Variants in CFAP74 observed in about 807,000 individuals in gnomAD.
CFAP74 encodes cilia- and flagella-associated protein 74.
A neutral mutation model predicts 188.9 loss-of-function variants in CFAP74; 124 were observed. The observed-to-expected ratio is 0.66, with a 90% CI of 0.57 to 0.76. The LOEUF (loss-of-function observed/expected upper bound fraction) is 0.76, where lower values mean the gene tolerates loss of function less well. CFAP74 is among the 30% of genes least tolerant of loss of function. CFAP74 has a pLI of 0.00. For synonymous variants in CFAP74, 956 were observed against 916.7 expected (o/e 1.04, Z -0.77); for missense variants, 2,198 against 2,165.2 (o/e 1.02, Z -0.30).
At chr1:1,952,823 TAA>T (rs35595511) in intron 18 of CFAP74, among the ~76,000 whole-genome samples, 2 of 151,218 alleles carry the variant, frequency 1.3e-5, no homozygotes, top group Non-Finnish European at 2.9e-5. Context: ...CCTGGCTAAT[TAA>T]AAAAAAACTT....
chr1:1,952,744 T>A (rs1654284111), intron 18 of CFAP74, among the ~76,000 whole-genome samples: 1 of 151,926 alleles, frequency 6.6e-6, no homozygotes, highest in Non-Finnish European at 1.5e-5. Context: ...AGCCTTGACC[T>A]CCTGGGCTCA....
Position 1,923,067 on chromosome 1 carries a change from A to C in CFAP74, c.4601T>G (p.Phe1534Cys), listed in dbSNP as rs758527548. ...AGGTGGGGCTGGCGTGTCTGTGTCA[A>C]ACTGGATGTAGTCCAGGGTCACCAG... ...PILVTLDYIQ[F>C]DTDTPAPPAT... Residue 1534 changes from phenylalanine to cysteine, a missense_variant, in exon 37 of 39, where the codon TTT (phenylalanine) becomes TGT (cysteine). Physicochemically the swap from Phe to Cys is radical, Grantham distance 205. Transcript: ENST00000682832. The surrounding 1 kb of genome is among the most constrained non-coding windows in gnomAD (Gnocchi z 6.3). 35 of 1,609,652 alleles carry C rather than the reference A, an allele frequency of 2.2e-5. No individual in the cohort carries two copies. The South Asian group carries it at 3.6e-4, about 17-fold the overall frequency.
At position 1,923,205 on chromosome 1, in the gene CFAP74, C is replaced by T; in HGVS notation, c.4523-60G>A. 1 of 1,532,110 alleles carries T rather than the reference C, an allele frequency of 6.5e-7. No individual in the cohort carries two copies. The highest frequency in any genetic ancestry group is 8.8e-7 in the Non-Finnish European group (1 of 1,138,180). The allele number at this position is 1,532,110 out of a possible 1,614,324, so 94.9% of individuals were successfully genotyped here. Reference sequence around the variant, plus strand: ...CAGGCTGAGGCATGGGGTGAGGCTGCAGCTGGACTCCTGAACTCTGGTTAG... The same window carrying T: ...CAGGCTGAGGCATGGGGTGAGGCTGTAGCTGGACTCCTGAACTCTGGTTAG... On this transcript the variant is annotated intron_variant, in intron 36 of 38. Coordinates refer to ENST00000682832, the MANE Select transcript of CFAP74 (RefSeq NM_001304360.2). The surrounding 1 kb of genome is among the most constrained non-coding windows in gnomAD (Gnocchi z 6.3).
chr1:1,955,929 G>GAC, intron 17 of CFAP74, 79 bp from the exon 18 acceptor site: 2 of 1,516,004 alleles, frequency 1.3e-6, no homozygotes, highest in Non-Finnish European at 1.8e-6. Flanking sequence ...CTCCCATGAG[G>GAC]ACAGGCCGTG....
At chr1:1,965,236 C>T (rs1255875026) in intron 12 of CFAP74, among the ~76,000 whole-genome samples, 175 bp from the exon 13 acceptor site, 1 of 143,644 alleles carries the variant, frequency 7.0e-6, no homozygotes, top group African/African-American at 2.6e-5. Context: ...CTCTGAGTTG[C>T]TCAGAAAGGC....
At position 1,940,392 on chromosome 1, in the gene CFAP74, G is replaced by A. The variant is rs547617390; in HGVS notation, c.2627C>T (p.Pro876Leu). ...QLKFLPRHSL[P>L]EDAGRYFDKE... Reference sequence around the variant, plus strand: ...GTCAAAATACCTCCCTGCGTCCTCCGGGAGGGAGTGTCTGAAAGAGGCAGA... The same window carrying A: ...GTCAAAATACCTCCCTGCGTCCTCCAGGAGGGAGTGTCTGAAAGAGGCAGA... The change falls in exon 23 of 39, where the codon CCG (proline) becomes CTG (leucine). Residue 876 changes from proline to leucine, a missense_variant. Pro to Leu is a moderately conservative substitution (Grantham distance 98, BLOSUM62 -3). Transcript: ENST00000682832. The A allele has an allele frequency of 1.5e-5, 23 of 1,529,740 alleles. No homozygotes were observed. The highest frequency in any genetic ancestry group is 1.7e-4 in the Middle Eastern group (1 of 5,950). The allele number at this position is 1,529,740 out of a possible 1,614,324, so 94.8% of individuals were successfully genotyped here.
chr1:1,988,253 T>C lies in CFAP74; in HGVS notation c.296+259A>G, dbSNP rs1657362234. ...CACAGAAAGAAGCTACAACGAAAGC[T>C]TGACAGGTGGCAACTCTGGGTGGCG... On this transcript the variant is annotated intron_variant, in intron 4 of 38. Coordinates refer to ENST00000682832, the MANE Select transcript of CFAP74 (RefSeq NM_001304360.2). 3 of 648,894 alleles carry C rather than the reference T, an allele frequency of 4.6e-6. No homozygotes were observed. In the African/African-American group the frequency reaches 5.3e-5, roughly 12 times the overall value. 40.2% of individuals were successfully genotyped at this position (648,894 alleles called of 1,614,324 possible).
intron 25 of CFAP74, among the ~76,000 whole-genome samples, chr1:1,937,402 T>C (rs1172595542): frequency 2.0e-5 from 3 of 152,082 alleles, no homozygotes; most frequent in Non-Finnish European, 4.4e-5. Context: ...GCGTCTTCAA[T>C]AAATACATTT....
At chr1:1,960,531 A>G (rs951984375) in intron 14 of CFAP74, among the ~76,000 whole-genome samples, 1 of 152,260 alleles carries the variant, frequency 6.6e-6, no homozygotes, top group African/African-American at 2.4e-5. Flanking sequence ...CCTACTGCAC[A>G]GGCCACTTGA....
intron 6 of CFAP74, among the ~76,000 whole-genome samples, chr1:1,981,275 G>A (rs1425560365): frequency 2.0e-5 from 3 of 152,318 alleles, no homozygotes; most frequent in East Asian, 1.9e-4. Flanking sequence ...GCCCAGAGAC[G>A]ACAAAAGGAG....
At chr1:1,929,873 C>T (rs191149455) in intron 26 of CFAP74, among the ~76,000 whole-genome samples, 187 bp downstream of exon 26, 3 of 152,060 alleles carry the variant, frequency 2.0e-5, no homozygotes, top group Non-Finnish European at 2.9e-5. Context: ...TGGCCTTGGG[C>T]CCCCATGCAC....
intron 25 of CFAP74, among the ~76,000 whole-genome samples, chr1:1,930,964 T>A (rs1652320969): frequency 1.3e-5 from 2 of 152,216 alleles, no homozygotes; most frequent in Admixed American, 1.3e-4. Flanking sequence ...CTCAAATGCC[T>A]ATTTCCACTG....
intron 6 of CFAP74, chr1:1,985,161 G>A: frequency 2.0e-6 from 1 of 490,820 alleles, no homozygotes; most frequent in Non-Finnish European, 3.7e-6. Context: ...AAAAGAACCT[G>A]ATTTTGGAGT....
chr1:1,979,050 C>T (rs1234886093), intron 6 of CFAP74, among the ~76,000 whole-genome samples: 10 of 142,872 alleles, frequency 7.0e-5, no homozygotes, highest in African/African-American at 1.6e-4. Flanking sequence ...CGTCATGTGA[C>T]GAGGCTGCAC....
At chr1:2,002,186 A>G (rs1658240093) in intron 1 of CFAP74, among the ~76,000 whole-genome samples, 1 of 152,032 alleles carries the variant, frequency 6.6e-6, no homozygotes, top group African/African-American at 2.4e-5. Context: ...AAGGCAACTT[A>G]CTCTCAAATC....
intron 6 of CFAP74, among the ~76,000 whole-genome samples, chr1:1,979,183 C>T (rs373278489): frequency 1.5e-5 from 1 of 64,564 alleles, no homozygotes. Flanking sequence ...GCACAGAACA[C>T]GTGTGTCGTG....
intron 25 of CFAP74, among the ~76,000 whole-genome samples, chr1:1,933,077 G>A (rs913210408): frequency 3.3e-5 from 5 of 150,572 alleles, no homozygotes; most frequent in African/African-American, 1.2e-4. Flanking sequence ...TAGTAGAGAC[G>A]GGGTTTCAAC....
At chr1:1,966,667 G>T in intron 11 of CFAP74, 141 bp from the exon 12 acceptor site, 1 of 607,012 alleles carries the variant, frequency 1.6e-6, no homozygotes, top group Non-Finnish European at 2.4e-6. Context: ...AGATAGCGGT[G>T]CACACGGTTT....
At position 1,927,617 on chromosome 1, in the gene CFAP74, GC is replaced by G; in HGVS notation, c.3516del (p.Glu1172AspfsTer2). 6.5e-7 allele frequency: 1 copy of G among 1,549,800 alleles called. No homozygotes were observed. Among genetic ancestry groups the G allele is most frequent in the Non-Finnish European group, 8.7e-7 (1 of 1,146,718 alleles). ...CCCTCCTGGACCCACCTGGGCCTCA[GC>G]TCCCGCTTCCGCATCTCCAGGACGT... Reference protein sequence around the residue: ...VPHVLEMRKRELRPSSDEYQA... With the variant: ...VPHVLEMRKRXLRPSSDEYQA... On this transcript the variant is annotated frameshift_variant, in exon 28 of 39. Transcript: ENST00000682832. LOFTEE classifies it high-confidence loss of function.
Sources: allele counts gnomAD v4.1 joint callset (sites outside exome capture counted in the v4.1 genomes callset), GRCh38; gene constraint gnomAD v4.1.1; non-coding constraint Gnocchi (gnomAD v3.1); transcripts MANE v1.5; gene names NCBI Gene and HGNC (gene_info 2026-07-23, HGNC 2026-07-21).